Variants in ERBB4 observed in about 807,000 individuals in gnomAD.
ERBB4 encodes erb-b2 receptor tyrosine kinase 4.
Under a neutral mutation model 158.0 loss-of-function variants are expected in ERBB4, and 42 were observed. That is an observed-to-expected ratio of 0.27 (90% CI 0.21 to 0.34). The LOEUF (loss-of-function observed/expected upper bound fraction) is 0.34. Ranked by LOEUF, ERBB4 falls within the 10% of genes least tolerant of loss-of-function variation. The probability of loss-of-function intolerance (pLI) is 1.00; values close to 1 mark genes in which losing one functional copy is unlikely to be tolerated. For missense variants in ERBB4, 1,333 were observed against 1,624.1 expected, an observed-to-expected ratio of 0.82 and a Z score of 3.08; for synonymous variants, 583 against 558.7, an observed-to-expected ratio of 1.04 and a Z score of -0.61.
chr2:212,216,974 T>A (rs1335743214), intron 1 of ERBB4, among the ~76,000 whole-genome samples: 1 of 151,456 alleles, frequency 6.6e-6, no homozygotes, highest in Non-Finnish European at 1.5e-5. Flanking sequence ...AAACATTCCT[T>A]GCAATATCCT....
At chr2:211,606,764 ATG>A (rs2068994997) in intron 19 of ERBB4, among the ~76,000 whole-genome samples, 1 of 152,214 alleles carries the variant, frequency 6.6e-6, no homozygotes. Context: ...AAAGAATAAA[ATG>A]TGTTTTCTTT....
chr2:212,535,081 T>A (rs1194714557), intron 1 of ERBB4, among the ~76,000 whole-genome samples: 1 of 151,984 alleles, frequency 6.6e-6, no homozygotes, highest in Non-Finnish European at 1.5e-5. Context: ...AGCAGTTGAG[T>A]TTAAGAGCAA....
chr2:211,705,473 C>A, intron 9 of ERBB4, 82 bp from the exon 10 acceptor site: 1 of 960,772 alleles, frequency 1.0e-6, no homozygotes, highest in South Asian at 1.3e-5. Flanking sequence ...ATATTTTATT[C>A]AAATTTAATT....
At chr2:211,447,469 G>A (rs1023796607) in intron 20 of ERBB4, among the ~76,000 whole-genome samples, 2 of 152,076 alleles carry the variant, frequency 1.3e-5, no homozygotes, top group Non-Finnish European at 2.9e-5. Flanking sequence ...AAAATGGGGT[G>A]GAGTTTCTTT....
intron 1 of ERBB4, among the ~76,000 whole-genome samples, chr2:212,373,940 CAT>C (rs1221857488): frequency 3.3e-5 from 2 of 60,716 alleles, no homozygotes; most frequent in Admixed American, 1.5e-4. Context: ...CATATATATC[CAT>C]ATATATATCA....
intron 1 of ERBB4, among the ~76,000 whole-genome samples, chr2:212,199,930 T>C (rs1183350955): frequency 6.6e-6 from 1 of 152,160 alleles, no homozygotes; most frequent in Non-Finnish European, 1.5e-5. Context: ...AACAAGCACA[T>C]AGCTAAATAG....
At chr2:212,307,828 C>A (rs930564372) in intron 1 of ERBB4, among the ~76,000 whole-genome samples, 2 of 150,752 alleles carry the variant, frequency 1.3e-5, no homozygotes, top group East Asian at 3.9e-4. Flanking sequence ...ATTTGATTTT[C>A]TTTGCCCCAG....
intron 1 of ERBB4, among the ~76,000 whole-genome samples, chr2:212,286,747 G>T (rs11686852): frequency 7.4e-6 from 1 of 135,486 alleles, no homozygotes; most frequent in African/African-American, 2.7e-5. Context: ...GACTATAGGC[G>T]GGTGGCACCA....
At chr2:212,326,305 C>A (rs2087829041) in intron 1 of ERBB4, among the ~76,000 whole-genome samples, 1 of 150,646 alleles carries the variant, frequency 6.6e-6, no homozygotes, top group African/African-American at 2.4e-5. Context: ...CTTTCTCTGA[C>A]AAATAATTCT....
intron 1 of ERBB4, among the ~76,000 whole-genome samples, chr2:212,519,585 T>C (rs928341750): frequency 1.3e-5 from 2 of 151,954 alleles, no homozygotes; most frequent in Non-Finnish European, 2.9e-5. Context: ...AAATACCTAA[T>C]GTAGATGACT....
intron 25 of ERBB4, among the ~76,000 whole-genome samples, chr2:211,399,639 A>G (rs575966027): frequency 6.6e-6 from 1 of 152,072 alleles, no homozygotes; most frequent in South Asian, 2.1e-4. Flanking sequence ...AAGTTTTTTA[A>G]AAGTATTTTT....
intron 1 of ERBB4, among the ~76,000 whole-genome samples, chr2:212,320,829 A>C (rs1013527170): frequency 6.6e-6 from 1 of 150,448 alleles, no homozygotes; most frequent in East Asian, 1.9e-4. Context: ...CAAATGAAAC[A>C]ATTACAGTAA....
chr2:211,916,390 G>C (rs1405722748), intron 3 of ERBB4, among the ~76,000 whole-genome samples: 3 of 152,036 alleles, frequency 2.0e-5, no homozygotes. Flanking sequence ...ATGTTGGCTA[G>C]GCTGGTCTCG....
chr2:211,418,504 C>T (rs539037230), intron 25 of ERBB4, among the ~76,000 whole-genome samples: 1 of 152,120 alleles, frequency 6.6e-6, no homozygotes, highest in Non-Finnish European at 1.5e-5. Flanking sequence ...GGCTAAAGGT[C>T]AAATAAGTCC....
chr2:212,269,450 T>A (rs114117243), intron 1 of ERBB4, among the ~76,000 whole-genome samples: 1,529 of 151,866 alleles, frequency 0.01, 31 homozygotes, highest in African/African-American at 0.034. Flanking sequence ...ATTGGCATGA[T>A]CCACATCCAT....
At chr2:211,585,284 G>GAA (rs2068237417) in intron 19 of ERBB4, among the ~76,000 whole-genome samples, 1 of 150,878 alleles carries the variant, frequency 6.6e-6, no homozygotes. Flanking sequence ...CCTGGGAGGC[G>GAA]GAGCTTGTAG....
chr2:211,704,696 A>T (rs1372788737), intron 10 of ERBB4, among the ~76,000 whole-genome samples: 3 of 152,222 alleles, frequency 2.0e-5, no homozygotes, highest in Admixed American at 1.3e-4. Context: ...TAAATGCTAC[A>T]TGTTATCTAT....
chr2:211,780,798 TA>T (rs1240693165), intron 4 of ERBB4, among the ~76,000 whole-genome samples: 35 of 152,228 alleles, frequency 2.3e-4, no homozygotes, highest in African/African-American at 8.0e-4. Context: ...AACAGGTCCA[TA>T]AAAATCTGTT....
chr2:211,585,380 T>A (rs1013906280), intron 19 of ERBB4, among the ~76,000 whole-genome samples: 1 of 151,066 alleles, frequency 6.6e-6, no homozygotes, highest in African/African-American at 2.4e-5. Flanking sequence ...TTCCTTAGGC[T>A]TAGAAAGACA....
Sources: allele counts gnomAD v4.1 joint callset (sites outside exome capture counted in the v4.1 genomes callset), GRCh38; gene constraint gnomAD v4.1.1; transcripts MANE v1.5; gene names NCBI Gene and HGNC (gene_info 2026-07-23, HGNC 2026-07-21).